ARID1B: variants seen among roughly 807,000 people sequenced by gnomAD.
ARID1B encodes the protein AT-rich interaction domain 1B.
ARID1B carries 30 observed loss-of-function variants against 212.3 expected under a neutral mutation model. That is an observed-to-expected ratio of 0.14 (90% CI 0.11 to 0.19). The LOEUF (loss-of-function observed/expected upper bound fraction) is 0.19. Ranked by LOEUF, ARID1B falls within the 10% of genes least tolerant of loss-of-function variation. The pLI, the probability that ARID1B is intolerant of heterozygous loss-of-function variation, is 1.00. For synonymous variants in ARID1B, 1,402 were observed against 1,301.7 expected, an observed-to-expected ratio of 1.08 and a Z score of -1.66; for missense variants, 2,891 against 3,204.0, an observed-to-expected ratio of 0.90 and a Z score of 2.36.
At chr6:156,816,217 A>G (rs1781952119) in intron 1 of ARID1B, among the ~76,000 whole-genome samples, 1 of 152,248 alleles carries the variant, frequency 6.6e-6, no homozygotes, top group Admixed American at 6.5e-5. Flanking sequence ...TCTTTCCAGC[A>G]GTCACATACC....
chr6:156,900,410 T>C (rs1788822906), intron 2 of ARID1B, among the ~76,000 whole-genome samples: 1 of 152,202 alleles, frequency 6.6e-6, no homozygotes. Context: ...CTATAGTGGA[T>C]TTGGGTTTTA....
intron 6 of ARID1B, among the ~76,000 whole-genome samples, chr6:157,125,267 C>T (rs1218971072): frequency 6.6e-6 from 1 of 152,140 alleles, no homozygotes; most frequent in South Asian, 2.1e-4. Context: ...AGGAGGAAAA[C>T]CAATAAGCCT....
intron 2 of ARID1B, among the ~76,000 whole-genome samples, chr6:156,878,570 G>C (rs771304465): frequency 8.5e-5 from 13 of 152,216 alleles, no homozygotes; most frequent in Non-Finnish European, 1.8e-4. Context: ...ACCAGGGCAT[G>C]TGCATCTGAT....
chr6:156,828,011 T>C (rs1236990357), intron 1 of ARID1B, among the ~76,000 whole-genome samples: 1 of 151,732 alleles, frequency 6.6e-6, no homozygotes, highest in African/African-American at 2.4e-5. Context: ...TCTGCCCGTC[T>C]TGGCCTCCCA....
At chr6:157,130,935 G>C (rs1314418780) in intron 6 of ARID1B, among the ~76,000 whole-genome samples, 1 of 152,200 alleles carries the variant, frequency 6.6e-6, no homozygotes, top group African/African-American at 2.4e-5. Context: ...TAGTGTGCTA[G>C]ATGGATAATG....
intron 3 of ARID1B, among the ~76,000 whole-genome samples, chr6:156,928,060 C>T (rs527278574): frequency 6.6e-6 from 1 of 152,158 alleles, no homozygotes; most frequent in South Asian, 2.1e-4. Context: ...TGAAAGGCAC[C>T]GAGGAGCAGT....
At chr6:157,131,589 G>T (rs186395304) in intron 6 of ARID1B, among the ~76,000 whole-genome samples, 23 of 152,330 alleles carry the variant, frequency 1.5e-4, no homozygotes, top group African/African-American at 4.3e-4. Flanking sequence ...AGGAAATGGG[G>T]CTGAAGGGAG....
chr6:157,110,352 T>C (rs1786816457), intron 5 of ARID1B, 120 bp from the exon 6 acceptor site: 1 of 788,484 alleles, frequency 1.3e-6, no homozygotes, highest in Non-Finnish European at 2.1e-6. Flanking sequence ...TGTCTTTTTT[T>C]AATGGGGCTA....
chr6:156,907,899 C>A (rs2128221521), intron 3 of ARID1B, among the ~76,000 whole-genome samples: 1 of 134,100 alleles, frequency 7.5e-6, no homozygotes, highest in Admixed American at 7.8e-5. Flanking sequence ...CAGAGCAAGA[C>A]TGTCTCAAAA....
intron 13 of ARID1B, 49 bp from the exon 14 acceptor site, chr6:157,189,593 T>A (rs1190163839): frequency 6.4e-7 from 1 of 1,562,112 alleles, no homozygotes; most frequent in South Asian, 1.2e-5. Flanking sequence ...TGGGCTTACT[T>A]GATAATCTCT....
intron 4 of ARID1B, among the ~76,000 whole-genome samples, chr6:157,020,301 G>A (rs1382367074): frequency 2.0e-5 from 3 of 152,136 alleles, no homozygotes; most frequent in African/African-American, 7.2e-5. Flanking sequence ...ATAACATCAT[G>A]TTAGTCATTT....
At chr6:156,802,589 A>G (rs1470937144) in intron 1 of ARID1B, among the ~76,000 whole-genome samples, 2 of 152,146 alleles carry the variant, frequency 1.3e-5, no homozygotes, top group South Asian at 2.1e-4. Context: ...TGAAGCTTCT[A>G]TTTAGGTTCT....
rs1358252652 is a variant in ARID1B at position 156,955,718 on chromosome 6, T to C, written c.2247+20142T>C. ...CATCAAGAAAAGGTAGGAGAACCTA[T>C]GCCCATCTCCAGAAGGGCCCTAGAA... is the stretch of plus-strand genomic sequence containing the variant. On this transcript the variant is annotated intron_variant, in intron 4 of 19. Transcript: ENST00000636930. This position sits in a 1 kb window ranked among gnomAD's most constrained non-coding sequence, Gnocchi z 4.2. 1.3e-5 allele frequency among the ~76,000 whole-genome samples: 2 copies of C among 152,156 alleles called. No homozygotes were observed. The highest frequency in any genetic ancestry group is 2.9e-5 in the Non-Finnish European group (2 of 68,032).
chr6:156,998,054 G>A (rs917629338), intron 4 of ARID1B, among the ~76,000 whole-genome samples: 5 of 152,180 alleles, frequency 3.3e-5, no homozygotes, highest in Admixed American at 2.6e-4. Flanking sequence ...CTACTCCAGA[G>A]CATGGATTAT....
rs777300641 is a variant in ARID1B, at chr6:156,778,310, G to C, written c.630G>C (p.Gln210His). 6.5e-6 allele frequency: 10 copies of C among 1,545,150 alleles called. No individual in the cohort carries two copies. ...QQQQQQQQQQQQQQQHPISNN... is the reference protein window; with the variant it reads ...QQQQQQQQQQHQQQQHPISNN... ...AGCAGCAACAGCAGCAGCAGCAGCA[G>C]CAGCAACAGCAACATCCCATTTCCA... The change falls in exon 1 of 20, where the codon CAG becomes CAC. Residue 210 changes from glutamine (Q) to histidine (H), a missense_variant. By Grantham distance (24) the Gln-to-His change is conservative. Transcript: ENST00000636930.
intron 2 of ARID1B, among the ~76,000 whole-genome samples, chr6:156,836,744 A>C (rs189570940): frequency 1.6e-4 from 25 of 152,286 alleles, no homozygotes; most frequent in Admixed American, 3.9e-4. Flanking sequence ...GGCTCACTGC[A>C]GCCTTGACCT....
rs797045271 is a variant in ARID1B, at chr6:156,935,540, G to A, written c.2211G>A (p.Leu737=). ...CCGGAAAACCTAACCATGAAGACTTGAACTTAATACAGCAAGAAAGACCAT... is the reference window on the plus strand; with the variant it reads ...CCGGAAAACCTAACCATGAAGACTTAAACTTAATACAGCAAGAAAGACCAT... ...LAPGKPNHED[L]NLIQQERPSS... is the part of the protein sequence containing the mutation. The change falls in exon 4 of 20, where the codon TTG becomes TTA. Residue 737 remains leucine, a synonymous_variant. Coordinates refer to ENST00000636930, the MANE Select transcript of ARID1B (RefSeq NM_001374828.1). 2.5e-6 allele frequency: 4 copies of A among 1,613,628 alleles called. No individual in the cohort carries two copies. Among genetic ancestry groups the A allele is most frequent in the Non-Finnish European group, 3.4e-6 (4 of 1,179,612 alleles).
At chr6:157,049,712 T>A (rs1455101264) in intron 4 of ARID1B, among the ~76,000 whole-genome samples, 4 of 152,190 alleles carry the variant, frequency 2.6e-5, no homozygotes. Context: ...TATAGGCTTA[T>A]CTTATCCATT....
chr6:157,079,179 G>C (rs1435874930), intron 4 of ARID1B, among the ~76,000 whole-genome samples: 1 of 152,182 alleles, frequency 6.6e-6, no homozygotes, highest in Non-Finnish European at 1.5e-5. Context: ...AACAATTAGT[G>C]CTTGGCAGAT....
Sources: allele counts gnomAD v4.1 joint callset (sites outside exome capture counted in the v4.1 genomes callset), GRCh38; gene constraint gnomAD v4.1.1; non-coding constraint Gnocchi (gnomAD v3.1); transcripts MANE v1.5; gene names NCBI Gene and HGNC (gene_info 2026-07-23, HGNC 2026-07-21).